Variants in RHBDD1 observed in about 807,000 individuals in gnomAD.
The protein encoded by RHBDD1 is rhomboid-related protein 4.
Under a neutral mutation model 36.3 loss-of-function variants are expected in RHBDD1, and 38 were observed. That is an observed-to-expected ratio of 1.05 (90% CI 0.81 to 1.37). The LOEUF (loss-of-function observed/expected upper bound fraction) is 1.37, where lower values mean the gene tolerates loss of function less well. RHBDD1 is among the 40% of genes most tolerant of loss of function. The probability of loss-of-function intolerance (pLI) is 0.00; values close to 1 mark genes in which losing one functional copy is unlikely to be tolerated. For missense variants in RHBDD1, 393 were observed against 377.6 expected (o/e 1.04, Z -0.34); for synonymous variants, 151 against 136.5 (o/e 1.11, Z -0.74).
At chr2:226,812,924 C>G in the RHBDD1 span, among the ~76,000 whole-genome samples, 1 of 151,970 alleles carries the variant, frequency 6.6e-6, no homozygotes, top group Non-Finnish European at 1.5e-5. Flanking sequence ...TATTTTAAGC[C>G]CTCTACATAT....
intron 5 of RHBDD1, among the ~76,000 whole-genome samples, chr2:226,894,680 A>T (rs1946957862): frequency 6.6e-6 from 1 of 152,364 alleles, no homozygotes; most frequent in Admixed American, 6.5e-5. Context: ...CACAAAGTGT[A>T]CAAGATGTGT....
intron 3 of RHBDD1, among the ~76,000 whole-genome samples, chr2:226,855,308 G>A (rs986281235): frequency 6.6e-6 from 1 of 152,212 alleles, no homozygotes; most frequent in Non-Finnish European, 1.5e-5. Flanking sequence ...AGGCGCTCAA[G>A]AGCAGCCTGG....
At chr2:226,929,249 C>A (rs1487943282) in intron 8 of RHBDD1, among the ~76,000 whole-genome samples, 1 of 151,964 alleles carries the variant, frequency 6.6e-6, no homozygotes, top group Non-Finnish European at 1.5e-5. Flanking sequence ...CAAAAACTCT[C>A]AACAAAATGC....
intron 3 of RHBDD1, among the ~76,000 whole-genome samples, chr2:226,860,682 T>C (rs1943774267): frequency 6.6e-6 from 1 of 152,212 alleles, no homozygotes; most frequent in Admixed American, 6.5e-5. Context: ...AGAGTTGTTA[T>C]GAACTAGGAC....
intron 8 of RHBDD1, among the ~76,000 whole-genome samples, chr2:226,954,621 GAGAA>G (rs1187946308): frequency 6.6e-6 from 1 of 152,070 alleles, no homozygotes; most frequent in Non-Finnish European, 1.5e-5. Flanking sequence ...AAGAAAAAGA[GAGAA>G]AGAGACGGGA....
At chr2:226,854,228 A>G (rs1021145119) in intron 3 of RHBDD1, among the ~76,000 whole-genome samples, 2 of 152,164 alleles carry the variant, frequency 1.3e-5, no homozygotes, top group Non-Finnish European at 2.9e-5. Flanking sequence ...CAACAACTCT[A>G]TGAGGTGGTC....
chr2:226,895,201 C>G (rs944526706), intron 5 of RHBDD1, among the ~76,000 whole-genome samples: 1 of 152,178 alleles, frequency 6.6e-6, no homozygotes, highest in African/African-American at 2.4e-5. Flanking sequence ...TGAAAATGGG[C>G]TAGATGAGGG....
At chr2:226,895,896 C>A in intron 5 of RHBDD1, 1 of 824,122 alleles carries the variant, frequency 1.2e-6, no homozygotes, top group Non-Finnish European at 1.5e-6. Flanking sequence ...TTTCCCTTTG[C>A]ATTTAAAAAT....
At chr2:226,927,029 G>A (rs1559280821) in intron 8 of RHBDD1, among the ~76,000 whole-genome samples, 2 of 151,956 alleles carry the variant, frequency 1.3e-5, no homozygotes, top group African/African-American at 2.4e-5. Context: ...AGTATAGAGT[G>A]GTTTATCATA....
intron 5 of RHBDD1, among the ~76,000 whole-genome samples, chr2:226,883,028 C>T (rs1369646326): frequency 6.6e-6 from 1 of 152,210 alleles, no homozygotes; most frequent in Non-Finnish European, 1.5e-5. Context: ...CCAAAGACCC[C>T]ATCTCTAAAT....
At chr2:226,898,634 CAAG>C (rs1385908608) in intron 5 of RHBDD1, among the ~76,000 whole-genome samples, 1 of 152,168 alleles carries the variant, frequency 6.6e-6, no homozygotes, top group East Asian at 1.9e-4. Context: ...GGACAGAAAA[CAAG>C]AAGTTTAAAA....
intron 8 of RHBDD1, among the ~76,000 whole-genome samples, chr2:226,936,590 A>C (rs1950344954): frequency 6.6e-6 from 1 of 152,154 alleles, no homozygotes; most frequent in Non-Finnish European, 1.5e-5. Flanking sequence ...GCGTAAAGAA[A>C]AATGTAATGA....
chr2:226,960,127 TTA>T (rs1489348265), intron 8 of RHBDD1, among the ~76,000 whole-genome samples: 2 of 152,168 alleles, frequency 1.3e-5, no homozygotes, highest in Admixed American at 1.3e-4. Context: ...CCGGCCACAT[TTA>T]TGTTTTAGTA....
rs571084977 is a variant in RHBDD1 at position 226,883,510 on chromosome 2, G to A, written c.566+16192G>A. 5.3e-5 allele frequency among the ~76,000 whole-genome samples: 8 copies of A among 152,304 alleles called. No homozygotes were observed. In the South Asian group the frequency reaches 1.7e-3, roughly 32 times the overall value. ...AGAGAAGAGCGGTAGGTAGAAACAA[G>A]GAAGCAGCTGTTTTTCTAGTTGAAC... On this transcript the variant is annotated intron_variant, in intron 5 of 8. Coordinates refer to ENST00000392062, the MANE Select transcript of RHBDD1 (RefSeq NM_001167608.3).
intron 8 of RHBDD1, among the ~76,000 whole-genome samples, chr2:226,986,305 C>A (rs1274477424): frequency 6.6e-6 from 1 of 152,126 alleles, no homozygotes; most frequent in Non-Finnish European, 1.5e-5. Flanking sequence ...GTGAAAAAAA[C>A]TGGTGAGATC....
intron 5 of RHBDD1, among the ~76,000 whole-genome samples, chr2:226,870,338 CTG>C (rs1944692691): frequency 6.6e-6 from 1 of 152,202 alleles, no homozygotes; most frequent in Non-Finnish European, 1.5e-5. Context: ...GATGTGTACA[CTG>C]TTCCTAAATA....
chr2:226,979,147 G>C (rs944756849), intron 8 of RHBDD1, among the ~76,000 whole-genome samples: 1 of 152,162 alleles, frequency 6.6e-6, no homozygotes, highest in Non-Finnish European at 1.5e-5. Flanking sequence ...GCAGCCGTCA[G>C]TCTGAGGCCC....
the RHBDD1 span, among the ~76,000 whole-genome samples, chr2:226,817,605 A>C: frequency 2.0e-5 from 3 of 152,236 alleles, no homozygotes; most frequent in Admixed American, 2.0e-4. Flanking sequence ...TGAATCACCC[A>C]ACCAAGCAGG....
At chr2:226,860,426 G>A (rs895311497) in intron 3 of RHBDD1, among the ~76,000 whole-genome samples, 1 of 152,186 alleles carries the variant, frequency 6.6e-6, no homozygotes, top group African/African-American at 2.4e-5. Flanking sequence ...AGATAGCACA[G>A]CACTCTAAAA....
Sources: allele counts gnomAD v4.1 joint callset (sites outside exome capture counted in the v4.1 genomes callset), GRCh38; gene constraint gnomAD v4.1.1; transcripts MANE v1.5; gene names NCBI Gene and HGNC (gene_info 2026-07-23, HGNC 2026-07-21).